The following TUBB3 variants were observed in gnomAD, a reference collection of about 807,000 sequenced individuals.
The protein encoded by TUBB3 is tubulin beta 3 class III.
Under a neutral mutation model 37.8 loss-of-function variants are expected in TUBB3, and 17 were observed. That is an observed-to-expected ratio of 0.45 (90% CI 0.31 to 0.67). TUBB3 has a LOEUF of 0.67. Among genes scored for constraint, TUBB3 ranks in the 30% least tolerant of loss-of-function variants. TUBB3 has a pLI of 0.07. For synonymous variants in TUBB3, 332 were observed against 278.9 expected (o/e 1.19, Z -1.90); for missense variants, 262 against 657.9 (o/e 0.40, Z 6.58).
At chr16:89,925,463 GGCCGC>G (rs2030041537) in intron 1 of TUBB3, among the ~76,000 whole-genome samples, 1 of 151,876 alleles carries the variant, frequency 6.6e-6, no homozygotes, top group South Asian at 2.1e-4. Context: ...TGGCGTGGTG[GGCCGC>G]GCCTGTAGTC....
chr16:89,935,895 C>G lies in TUBB3; in HGVS notation c.*91C>G. 1 of 1,467,632 alleles carries G rather than the reference C, an allele frequency of 6.8e-7. No homozygotes were observed. Among genetic ancestry groups the G allele is most frequent in the Non-Finnish European group, 9.2e-7 (1 of 1,090,758 alleles). The allele number at this position is 1,467,632 out of a possible 1,614,324, so 90.9% of individuals were successfully genotyped here. A position where few individuals can be genotyped will look rare whatever the true frequency, so the allele number is the denominator to read the frequency against. On this transcript the variant is annotated 3_prime_UTR_variant, in exon 4 of 4. Transcript: ENST00000315491. ...CCGGAGCCATCTTGCTGCCGACACC[C>G]TGCTTTCCCCTCGCCCTAGGGCTCC...
In TUBB3 at chr16:89,934,800, C is replaced by A. The variant is rs754239056; in HGVS notation, c.349C>A (p.Leu117Met). 2.5e-6 allele frequency: 4 copies of A among 1,614,142 alleles called. No homozygotes were observed. Among genetic ancestry groups the A allele is most frequent in the Non-Finnish European group, 3.4e-6 (4 of 1,180,008 alleles). The change falls in exon 4 of 4, where the codon CTG becomes ATG. Residue 117 changes from leucine to methionine, a missense_variant. Around this residue, in one of 3 missense-constraint regions of TUBB3, gnomAD observed 165 missense variants for 556.8 expected, o/e 0.30. Transcript: ENST00000315491. ...GGGGGCGGAGCTGGTGGATTCGGTCCTGGATGTGGTGCGGAAGGAGTGTGA... is the reference window on the plus strand; with the variant it reads ...GGGGGCGGAGCTGGTGGATTCGGTCATGGATGTGGTGCGGAAGGAGTGTGA... The part of the protein sequence containing the change: ...TEGAELVDSV[L>M]DVVRKECENC...
chr16:89,931,312 G>A (rs1271402311), intron 1 of TUBB3, among the ~76,000 whole-genome samples: 1 of 152,222 alleles, frequency 6.6e-6, no homozygotes, highest in African/African-American at 2.4e-5. Flanking sequence ...TGCAGCACAT[G>A]ACTCACATGT....
chr16:89,929,696 C>T (rs958942477), intron 1 of TUBB3, among the ~76,000 whole-genome samples: 1 of 152,070 alleles, frequency 6.6e-6, no homozygotes, highest in African/African-American at 2.4e-5. Context: ...CACCCACAAG[C>T]AGTTTTCTTT....
intron 3 of TUBB3, chr16:89,933,832 A>G (rs1302419915): frequency 4.3e-6 from 3 of 698,794 alleles, no homozygotes; most frequent in Non-Finnish European, 7.9e-6. Flanking sequence ...GAATTGCTAG[A>G]GAGCTGGTGA....
intron 1 of TUBB3, among the ~76,000 whole-genome samples, chr16:89,928,005 G>C (rs12598500): frequency 0.25 from 37,672 of 152,146 alleles, 6,632 homozygotes; most frequent in African/African-American, 0.5. Flanking sequence ...CTCAAAGAGA[G>C]TGTTAGGGAG....
At chr16:89,934,645 C>A in intron 3 of TUBB3, 84 bp from the exon 4 acceptor site, 1 of 1,384,574 alleles carries the variant, frequency 7.2e-7, no homozygotes, top group Non-Finnish European at 1.0e-6. Flanking sequence ...GCCACGGCTG[C>A]CCTTGGGATG....
intron 3 of TUBB3, chr16:89,934,489 C>T (rs1412774198): frequency 1.6e-6 from 1 of 637,820 alleles, no homozygotes; most frequent in Admixed American, 2.1e-5. Context: ...CAGAGCCTCG[C>T]TCTGCTGTGA....
At chr16:89,924,425 A>G (rs2029998610) in intron 1 of TUBB3, among the ~76,000 whole-genome samples, 1 of 151,304 alleles carries the variant, frequency 6.6e-6, no homozygotes, top group Admixed American at 6.6e-5. Flanking sequence ...GCTGCTTGCC[A>G]AAGGATCTGC....
intron 1 of TUBB3, 109 bp downstream of exon 1, chr16:89,923,567 A>C: frequency 3.9e-5 from 41 of 1,047,670 alleles, no homozygotes; most frequent in South Asian, 9.2e-5. Flanking sequence ...ACCTGCAACA[A>C]AGGGATGCGC....
chr16:89,923,175 C>G (rs2029945013), upstream of TUBB3: 1 of 190,446 alleles, frequency 5.3e-6, no homozygotes, highest in East Asian at 1.5e-4. Context: ...TCCTTGGCTG[C>G]GGGAGGGGCG....
At chr16:89,928,907 C>A (rs2030183809) in intron 1 of TUBB3, among the ~76,000 whole-genome samples, 1 of 152,030 alleles carries the variant, frequency 6.6e-6, no homozygotes, top group Non-Finnish European at 1.5e-5. Flanking sequence ...CGTGATCCAC[C>A]CGCCTTGGCC....
chr16:89,923,683 A>G (rs925991280), intron 1 of TUBB3, among the ~76,000 whole-genome samples: 12 of 152,004 alleles, frequency 7.9e-5, no homozygotes, highest in African/African-American at 2.9e-4. Context: ...GGCGCAGCTC[A>G]CGTCAGTCGC....
At chr16:89,923,336 C>T, upstream of TUBB3, 2 of 1,378,716 alleles carry the variant, frequency 1.5e-6, no homozygotes, top group Non-Finnish European at 1.9e-6. Context: ...GCCGCGGTCC[C>T]CGACCCTCAG....
Position 89,936,079 on chromosome 16 carries a change from A to G in TUBB3, c.*275A>G, listed in dbSNP as rs930197756. 8 of 553,052 alleles carry G rather than the reference A, an allele frequency of 1.4e-5. No individual in the cohort carries two copies. The highest frequency in any genetic ancestry group is 4.3e-5 in the South Asian group (2 of 46,500). The allele number at this position is 553,052 out of a possible 1,614,324, so 34.3% of individuals were successfully genotyped here. A position where few individuals can be genotyped will look rare whatever the true frequency, so the allele number is the denominator to read the frequency against. The stretch of plus-strand genomic sequence containing the variant: ...ATTTTCGGGGATACTTAATAAATCT[A>G]TTGCTGTCAGATACCCTTGCTTGGT... On this transcript the variant is annotated 3_prime_UTR_variant, in exon 4 of 4. Coordinates refer to ENST00000315491, the MANE Select transcript of TUBB3 (RefSeq NM_006086.4).
rs761071086 is a variant in TUBB3, at chr16:89,935,580, C to T, written c.1129C>T (p.Leu377=). 2 of 1,614,038 alleles carry T rather than the reference C, an allele frequency of 1.2e-6. No individual in the cohort carries two copies. The highest frequency in any genetic ancestry group is 1.7e-6 in the Non-Finnish European group (2 of 1,180,026). ...CGGGAACAGCACGGCCATCCAGGAG[C>T]TGTTCAAGCGCATCTCCGAGCAGTT... ...FIGNSTAIQE[L]FKRISEQFTA... is the part of the protein sequence containing the mutation. The change falls in exon 4 of 4, where the codon CTG becomes TTG. Residue 377 remains leucine (L), a synonymous_variant. Coordinates refer to ENST00000315491, the MANE Select transcript of TUBB3 (RefSeq NM_006086.4).
intron 1 of TUBB3, 23 bp from the exon 2 acceptor site, chr16:89,932,548 C>T (rs2030314895): frequency 1.2e-6 from 2 of 1,606,924 alleles, no homozygotes; most frequent in East Asian, 4.5e-5. Flanking sequence ...GTGCCGACCC[C>T]CCCTCTCCCA....
upstream of TUBB3, chr16:89,922,001 G>A (rs1464466199): frequency 6.6e-6 from 1 of 152,646 alleles, no homozygotes; most frequent in Non-Finnish European, 1.5e-5. Flanking sequence ...GAGACAGGGA[G>A]GCACCTCAGA....
chr16:89,931,111 G>A (rs184094953), intron 1 of TUBB3, among the ~76,000 whole-genome samples: 2 of 152,246 alleles, frequency 1.3e-5, no homozygotes, highest in African/African-American at 2.4e-5. Flanking sequence ...ACAGGCATGA[G>A]CCACTGTACC....
Sources: gnomAD v4.1 joint callset for allele counts (sites outside exome capture counted in the v4.1 genomes callset) on GRCh38, gnomAD v4.1.1 for gene constraint, gnomAD v4.1.1 regional missense constraint, MANE v1.5 for transcripts, NCBI Gene and HGNC (gene_info 2026-07-23, HGNC 2026-07-21) for gene names.